IGSF11: variants seen among roughly 807,000 people sequenced by gnomAD.
The protein encoded by IGSF11 is immunoglobulin superfamily member 11.
In IGSF11, 22 loss-of-function variants were observed where a neutral mutation model predicts 41.0. That is an observed-to-expected ratio of 0.54 (90% CI 0.38 to 0.77). The LOEUF (loss-of-function observed/expected upper bound fraction) is 0.77. Ranked by LOEUF, IGSF11 falls within the 30% of genes least tolerant of loss-of-function variation. IGSF11 has a pLI of 0.00. For missense variants in IGSF11, 444 were observed against 530.8 expected, an observed-to-expected ratio of 0.84 and a Z score of 1.61; for synonymous variants, 219 against 201.3, an observed-to-expected ratio of 1.09 and a Z score of -0.74.
chr3:118,918,908 G>C (rs1387674091), intron 4 of IGSF11, among the ~76,000 whole-genome samples: 5 of 88,050 alleles, frequency 5.7e-5, no homozygotes, highest in Admixed American at 1.2e-4. Flanking sequence ...TACCAAAACA[G>C]AGATATAGAT....
At chr3:119,019,809 G>A (rs192176345) in intron 1 of IGSF11, among the ~76,000 whole-genome samples, 18 of 152,254 alleles carry the variant, frequency 1.2e-4, no homozygotes, top group Admixed American at 7.8e-4. Context: ...CCCCTGTACT[G>A]TGACCCTGGC....
intron 1 of IGSF11, among the ~76,000 whole-genome samples, chr3:118,931,740 T>C (rs1942870356): frequency 6.6e-6 from 1 of 151,144 alleles, no homozygotes; most frequent in Non-Finnish European, 1.5e-5. Context: ...GTCACTGATT[T>C]TTTTTTTTTT....
intron 2 of IGSF11, among the ~76,000 whole-genome samples, 190 bp downstream of exon 2, chr3:118,929,922 C>G (rs1942699253): frequency 6.6e-6 from 1 of 152,102 alleles, no homozygotes; most frequent in Admixed American, 6.5e-5. Context: ...CATCTGTTAC[C>G]TTTTTAAAAA....
At chr3:118,920,575 C>T (rs1168222002) in intron 4 of IGSF11, among the ~76,000 whole-genome samples, 1 of 151,802 alleles carries the variant, frequency 6.6e-6, no homozygotes, top group African/African-American at 2.4e-5. Context: ...CCAAAGAAAG[C>T]CACTGCATCT....
At chr3:119,111,383 C>G (rs1159993796) in intron 1 of IGSF11, among the ~76,000 whole-genome samples, 1 of 152,228 alleles carries the variant, frequency 6.6e-6, no homozygotes, top group Non-Finnish European at 1.5e-5. Flanking sequence ...TTGATCGCAT[C>G]AGCTCCTGAG....
At chr3:119,001,425 GT>G (rs1178017522) in intron 1 of IGSF11, among the ~76,000 whole-genome samples, 2 of 144,570 alleles carry the variant, frequency 1.4e-5, no homozygotes, top group African/African-American at 2.5e-5. Context: ...AAAGATATTT[GT>G]TTTTTGCTTT....
At chr3:119,066,414 T>C (rs552210547) in intron 1 of IGSF11, among the ~76,000 whole-genome samples, 1 of 152,360 alleles carries the variant, frequency 6.6e-6, no homozygotes, top group Non-Finnish European at 1.5e-5. Flanking sequence ...TGGGATATTC[T>C]CAGCTGTAAT....
chr3:119,004,135 T>C (rs2107678325), intron 1 of IGSF11, among the ~76,000 whole-genome samples: 1 of 149,324 alleles, frequency 6.7e-6, no homozygotes, highest in Middle Eastern at 3.4e-3. Context: ...TTGCCACAAT[T>C]TCAGCTCCTG....
chr3:118,922,046 C>T (rs1453093109), intron 4 of IGSF11, among the ~76,000 whole-genome samples: 2 of 151,714 alleles, frequency 1.3e-5, no homozygotes, highest in African/African-American at 4.8e-5. Context: ...AACCCATAGG[C>T]CATTCTCACT....
chr3:119,026,586 C>T (rs1442747835), intron 1 of IGSF11, among the ~76,000 whole-genome samples: 3 of 151,988 alleles, frequency 2.0e-5, no homozygotes, highest in African/African-American at 7.3e-5. Flanking sequence ...CTGTAGTCTT[C>T]GCCATTATGT....
At chr3:118,985,057 G>C (rs1576556616) in intron 1 of IGSF11, among the ~76,000 whole-genome samples, 1 of 152,112 alleles carries the variant, frequency 6.6e-6, no homozygotes, top group Admixed American at 6.5e-5. Context: ...TTCTGTCTGA[G>C]ATCTAATAAT....
At chr3:119,104,484 T>C (rs2076989278) in intron 1 of IGSF11, among the ~76,000 whole-genome samples, 1 of 152,198 alleles carries the variant, frequency 6.6e-6, no homozygotes, top group African/African-American at 2.4e-5. Flanking sequence ...GCTCTCAGCA[T>C]AGTAATAATA....
Position 119,030,301 on chromosome 3 carries a change from A to T in IGSF11, c.52+4230T>A, listed in dbSNP as rs150825236. ...TTTTAGTTATACTTATCAAAATATG[A>T]TTCTTTCTGTAATATATGAGTGAGG... is the stretch of plus-strand genomic sequence containing the variant. On this transcript the variant is annotated intron_variant, in intron 1 of 6. Transcript: ENST00000393775. Among the ~76,000 whole-genome samples the T allele has an allele frequency of 2.3e-3, 355 of 152,288 alleles. 3 individuals are homozygous for T. The highest frequency in any genetic ancestry group is 8.3e-3 in the African/African-American group (343 of 41,552).
At chr3:119,053,072 CT>C (rs1335012653) in intron 1 of IGSF11, among the ~76,000 whole-genome samples, 1 of 152,142 alleles carries the variant, frequency 6.6e-6, no homozygotes, top group African/African-American at 2.4e-5. Flanking sequence ...AGCTTTCCCC[CT>C]GAGAACTGGA....
chr3:118,996,118 A>T lies in IGSF11; in HGVS notation c.52+38413T>A, dbSNP rs188336126. 1.5e-4 allele frequency among the ~76,000 whole-genome samples: 23 copies of T among 152,254 alleles called. No individual in the cohort carries two copies. In the East Asian group the frequency reaches 3.5e-3, roughly 23 times the overall value. On this transcript the variant is annotated intron_variant, in intron 1 of 6. Coordinates refer to ENST00000393775, the MANE Select transcript of IGSF11 (RefSeq NM_001015887.3). Reference sequence around the variant, plus strand: ...GTTATGGTTTAGGTGAAGGGAAATGACTCGGTTGATAAAATGGACAGGGAT... The same window carrying T: ...GTTATGGTTTAGGTGAAGGGAAATGTCTCGGTTGATAAAATGGACAGGGAT...
intron 1 of IGSF11, among the ~76,000 whole-genome samples, chr3:118,939,536 A>G (rs984965117): frequency 6.6e-6 from 1 of 151,772 alleles, no homozygotes; most frequent in African/African-American, 2.4e-5. Flanking sequence ...AGATCGTGCC[A>G]CTGCACTCTA....
intron 1 of IGSF11, among the ~76,000 whole-genome samples, chr3:119,140,645 G>A (rs1032589249): frequency 2.4e-4 from 37 of 151,614 alleles, no homozygotes; most frequent in Admixed American, 1.2e-3. Flanking sequence ...AGAACATTCC[G>A]CCCAACCGCA....
At chr3:118,928,371 G>A in intron 3 of IGSF11, 138 bp downstream of exon 3, 1 of 642,348 alleles carries the variant, frequency 1.6e-6, no homozygotes. Context: ...TGGAGAAGGA[G>A]AGAAGAGATG....
chr3:119,112,676 G>C (rs1189102569), intron 1 of IGSF11: 2 of 154,100 alleles, frequency 1.3e-5, no homozygotes, highest in African/African-American at 4.8e-5. Flanking sequence ...GAAATCACCT[G>C]TCTTCTGTGT....
Sources: allele counts gnomAD v4.1 joint callset (sites outside exome capture counted in the v4.1 genomes callset), GRCh38; gene constraint gnomAD v4.1.1; transcripts MANE v1.5; gene names NCBI Gene and HGNC (gene_info 2026-07-23, HGNC 2026-07-21).